Variants in ZNF189 observed in about 807,000 individuals in gnomAD.
The protein encoded by ZNF189 is zinc finger protein 189.
A neutral mutation model predicts 53.5 loss-of-function variants in ZNF189; 33 were observed. The ratio of observed to expected loss-of-function variants is 0.62; its 90% CI spans 0.47 to 0.82. The LOEUF (loss-of-function observed/expected upper bound fraction) is 0.82, where lower values mean the gene tolerates loss of function less well. Among genes scored for constraint, ZNF189 ranks in the 40% least tolerant of loss-of-function variants. The pLI is 0.00. For missense variants in ZNF189, 711 were observed against 753.9 expected (o/e 0.94, Z 0.67); for synonymous variants, 247 against 238.8 (o/e 1.03, Z -0.32).
In ZNF189 at chr9:101,409,496, T is replaced by C. The variant is rs2118285480; in HGVS notation, c.1728T>C (p.Ser576=). Residue 576 remains serine, a synonymous_variant, in exon 3 of 3, where the codon AGT becomes AGC. Coordinates refer to ENST00000339664, the MANE Select transcript of ZNF189 (RefSeq NM_003452.4). ...KPYKCEKCDK[S]FSQQRSLVNH... ...ATAAGTGTGAGAAGTGCGACAAAAG[T>C]TTCAGTCAACAGCGCAGTCTTGTCA... is the stretch of plus-strand genomic sequence containing the variant. 1 of 1,614,022 alleles carries C rather than the reference T, an allele frequency of 6.2e-7. No individual in the cohort carries two copies. Among genetic ancestry groups the C allele is most frequent in the South Asian group, 1.1e-5 (1 of 91,076 alleles).
intron 2 of ZNF189, among the ~76,000 whole-genome samples, chr9:101,404,842 A>G (rs1830652030): frequency 6.6e-6 from 1 of 152,226 alleles, no homozygotes; most frequent in African/African-American, 2.4e-5. Context: ...CAAATAACGA[A>G]CAGTTAAAAA....
intron 2 of ZNF189, among the ~76,000 whole-genome samples, chr9:101,401,699 T>C (rs1478460480): frequency 1.3e-5 from 2 of 152,168 alleles, no homozygotes. Flanking sequence ...CCTCTAATAC[T>C]CCCTTTAAAT....
At position 101,409,582 on chromosome 9, in the gene ZNF189, G is replaced by A. The variant is rs757140135; in HGVS notation, c.1814G>A (p.Gly605Asp). The A allele has an allele frequency of 2.5e-6, 4 of 1,613,668 alleles. No homozygotes were observed. Among genetic ancestry groups the A allele is most frequent in the Middle Eastern group, 1.7e-4 (1 of 6,060 alleles). ...TQETHECDAC[G>D]EAFNCRISLI... ...GAAACCCATGAATGTGACGCTTGTG[G>A]TGAAGCCTTTAATTGCCGTATTTCT... The change falls in exon 3 of 3, where the codon GGT becomes GAT. Residue 605 changes from glycine to aspartate, a missense_variant. Transcript: ENST00000339664.
At chr9:101,403,365 T>G (rs1564067818) in intron 2 of ZNF189, among the ~76,000 whole-genome samples, 1 of 152,154 alleles carries the variant, frequency 6.6e-6, no homozygotes, top group Non-Finnish European at 1.5e-5. Flanking sequence ...AGTCTTTTCA[T>G]CCTCCTCAAT....
At chr9:101,402,635 C>G (rs1285347872) in intron 2 of ZNF189, among the ~76,000 whole-genome samples, 1 of 152,094 alleles carries the variant, frequency 6.6e-6, no homozygotes, top group Non-Finnish European at 1.5e-5. Flanking sequence ...TGTATATACT[C>G]CTGCTATTGA....
At chr9:101,403,283 C>T (rs1228763938) in intron 2 of ZNF189, among the ~76,000 whole-genome samples, 1 of 152,178 alleles carries the variant, frequency 6.6e-6, no homozygotes, top group African/African-American at 2.4e-5. Context: ...CACAGATGAT[C>T]TTCTACTTGT....
At chr9:101,405,970 CAGG>C (rs959745559) in intron 2 of ZNF189, among the ~76,000 whole-genome samples, 2 of 149,684 alleles carry the variant, frequency 1.3e-5, no homozygotes, top group Non-Finnish European at 3.0e-5. Flanking sequence ...GAGGCTGAGG[CAGG>C]AGAATTGCTT....
Position 101,409,548 on chromosome 9 carries a change from A to G in ZNF189, c.1780A>G (p.Lys594Glu), listed in dbSNP as rs763343823. ...CCATCAGAAGATCCATGCAGAGGTG[A>G]AAACCCAAGAAACCCATGAATGTGA... ...VNHQKIHAEV[K>E]TQETHECDAC... Residue 594 changes from lysine (K) to glutamate (E), a missense_variant, in exon 3 of 3, where the codon AAA (lysine) becomes GAA (glutamate). Transcript: ENST00000339664. The G allele has an allele frequency of 1.1e-5, 18 of 1,613,994 alleles. No homozygotes were observed. Among genetic ancestry groups the G allele is most frequent in the Middle Eastern group, 1.6e-4 (1 of 6,084 alleles).
rs761322181 is a variant in ZNF189 at position 101,399,201 on chromosome 9, C to T, written c.33+12C>T. The T allele has an allele frequency of 1.3e-5, 21 of 1,565,560 alleles. No individual in the cohort carries two copies. Among genetic ancestry groups the T allele is most frequent in the Middle Eastern group, 1.7e-4 (1 of 5,952 alleles). On this transcript the variant is annotated intron_variant, in intron 1 of 2. Transcript: ENST00000339664. Reference sequence around the variant, plus strand: ...CGCCGGAGTCGAAGGTAAGTAAGCACCCCCCCGGGGATCCCGGTTGTCTCG... The same window carrying T: ...CGCCGGAGTCGAAGGTAAGTAAGCATCCCCCCGGGGATCCCGGTTGTCTCG...
chr9:101,399,175 C>G lies in ZNF189; in HGVS notation c.19C>G (p.Pro7Ala), dbSNP rs774637918. Residue 7 changes from proline (P) to alanine (A), a missense_variant, in exon 1 of 3, where the codon CCG becomes GCG. Physicochemically the swap from Pro to Ala is conservative, Grantham distance 27 (BLOSUM62 -1). Coordinates refer to ENST00000339664, the MANE Select transcript of ZNF189 (RefSeq NM_003452.4). ...CTGGGAGATGGCTTCCCCGAGCCCC[C>G]CGCCGGAGTCGAAGGTAAGTAAGCA... MASPSP[P>A]PESKGLLTFE... 14 of 1,595,380 alleles carry G rather than the reference C, an allele frequency of 8.8e-6. No individual in the cohort carries two copies. Among genetic ancestry groups the G allele is most frequent in the East Asian group, 2.3e-5 (1 of 44,396 alleles).
chr9:101,405,421 T>C (rs1375914023), intron 2 of ZNF189, among the ~76,000 whole-genome samples: 1 of 152,130 alleles, frequency 6.6e-6, no homozygotes, highest in Non-Finnish European at 1.5e-5. Context: ...ACAGGATGAT[T>C]GCTGCTTTGA....
intron 1 of ZNF189, 193 bp downstream of exon 1, chr9:101,399,382 T>C (rs1830445912): frequency 2.9e-6 from 4 of 1,380,430 alleles, no homozygotes; most frequent in Non-Finnish European, 3.7e-6. Context: ...CCTTTTTTTT[T>C]TTCTTTTTCT....
chr9:101,404,548 G>GT (rs1242235606), intron 2 of ZNF189, among the ~76,000 whole-genome samples: 1 of 151,954 alleles, frequency 6.6e-6, no homozygotes, highest in Non-Finnish European at 1.5e-5. Flanking sequence ...TAGGTTTTAT[G>GT]TTTTTTGTTA....
rs1381614910 is a variant in ZNF189 at position 101,398,914 on chromosome 9, C to A, written c.-243C>A. 1.7e-6 allele frequency: 1 copy of A among 599,850 alleles called. No homozygotes were observed. The highest frequency in any genetic ancestry group is 3.0e-6 in the Non-Finnish European group (1 of 337,036). The allele number at this position is 599,850 out of a possible 1,614,324, so 37.2% of individuals were successfully genotyped here. On this transcript the variant is annotated 5_prime_UTR_variant, in exon 1 of 3. Transcript: ENST00000339664. ...CAGCGGGGAGGAGGCTCTAGCGAGG[C>A]CTGAAAGGCTGCGTAACCAGGCAGG...
chr9:101,403,962 C>A (rs1830624519), intron 2 of ZNF189, among the ~76,000 whole-genome samples: 1 of 152,192 alleles, frequency 6.6e-6, no homozygotes, highest in Non-Finnish European at 1.5e-5. Context: ...GTCCTTTTGG[C>A]TTCTGGTTTG....
Position 101,409,706 on chromosome 9 carries a change from T to TA in ZNF189, c.*58dup, listed in dbSNP as rs1733736547. 2 of 1,526,938 alleles carry TA rather than the reference T, an allele frequency of 1.3e-6. No homozygotes were observed. The highest frequency in any genetic ancestry group is 1.7e-6 in the Non-Finnish European group (2 of 1,143,084). 94.6% of individuals were successfully genotyped at this position (1,526,938 alleles called of 1,614,324 possible). On this transcript the variant is annotated 3_prime_UTR_variant, in exon 3 of 3. Coordinates refer to ENST00000339664, the MANE Select transcript of ZNF189 (RefSeq NM_003452.4). ...TGAGACTAGTACCCAAGTGCAGTTT[T>TA]AGTATGGCTCAACATGGGTCAGATT...
Position 101,400,015 on chromosome 9 carries a change from G to C in ZNF189, c.160+5G>C. On this transcript the variant is annotated splice_donor_5th_base_variant and intron_variant, in intron 2 of 2. Coordinates refer to ENST00000339664, the MANE Select transcript of ZNF189 (RefSeq NM_003452.4). ...ATGGAAACCTGGTCTCACTGGGTAA[G>C]AATCTGCTGTTTCTCTAATTAAAAT... is the stretch of plus-strand genomic sequence containing the variant. 6.2e-7 allele frequency: 1 copy of C among 1,611,960 alleles called. No individual in the cohort carries two copies. Among genetic ancestry groups the C allele is most frequent in the African/African-American group, 1.3e-5 (1 of 74,782 alleles).
rs777950035 is a variant in ZNF189, at chr9:101,408,702, G to A, written c.934G>A (p.Gly312Arg). ...LLVEHQRIHT[G>R]ERPHKCGECG... is the part of the protein sequence containing the mutation. ...TGTTGAGCATCAAAGAATTCACACT[G>A]GGGAAAGACCCCATAAATGTGGTGA... The change falls in exon 3 of 3, where the codon GGG (glycine) becomes AGG (arginine). Residue 312 changes from glycine (G) to arginine (R), a missense_variant. Transcript: ENST00000339664. 34 of 1,614,094 alleles carry A rather than the reference G, an allele frequency of 2.1e-5. No homozygotes were observed. The highest frequency in any genetic ancestry group is 2.8e-5 in the Non-Finnish European group (33 of 1,180,048).
intron 2 of ZNF189, among the ~76,000 whole-genome samples, chr9:101,403,981 C>T (rs748599667): frequency 6.6e-6 from 1 of 152,182 alleles, no homozygotes; most frequent in African/African-American, 2.4e-5. Flanking sequence ...TGATAGGTTA[C>T]AATTCTAGCT....
Sources: gnomAD v4.1 joint callset for allele counts (sites outside exome capture counted in the v4.1 genomes callset) on GRCh38, gnomAD v4.1.1 for gene constraint, MANE v1.5 for transcripts, NCBI Gene and HGNC (gene_info 2026-07-23, HGNC 2026-07-21) for gene names.